DPP6: variants seen among roughly 807,000 people sequenced by gnomAD.
The protein encoded by DPP6 is dipeptidyl peptidase like 6, also known as A-type potassium channel modulatory protein DPP6.
Under a neutral mutation model 122.6 loss-of-function variants are expected in DPP6, and 69 were observed. The observed-to-expected ratio is 0.56, with a 90% CI of 0.46 to 0.69. The LOEUF is 0.69. DPP6 is among the 30% of genes least tolerant of loss of function. The pLI is 0.00. For missense variants in DPP6, 928 were observed against 1,116.9 expected, an observed-to-expected ratio of 0.83 and a Z score of 2.41; for synonymous variants, 418 against 433.1, an observed-to-expected ratio of 0.97 and a Z score of 0.43.
chr7:154,792,783 C>T (rs13239773), intron 10 of DPP6, among the ~76,000 whole-genome samples: 36,096 of 152,244 alleles, frequency 0.24, 4,700 homozygotes, highest in Admixed American at 0.31. Context: ...GAGCGCCCCT[C>T]CTGTGTTCAC....
rs1237325657 is a variant in DPP6, at chr7:154,241,921, G to T, written c.243+188858G>T. ...TACCTTCCTCTGGCATTCACAGAGG[G>T]CTGAGTTTCTAGTAGATGTTAATCA... On this transcript the variant is annotated intron_variant, in intron 1 of 25. Coordinates refer to ENST00000377770, the MANE Select transcript of DPP6 (RefSeq NM_130797.4). The surrounding 1 kb of genome is among the most constrained non-coding windows in gnomAD (Gnocchi z 9.0). Among the ~76,000 whole-genome samples, 2 of 152,240 alleles carry T rather than the reference G, an allele frequency of 1.3e-5. No individual in the cohort carries two copies. The highest frequency in any genetic ancestry group is 1.3e-4 in the Admixed American group (2 of 15,292).
the DPP6 span, among the ~76,000 whole-genome samples, chr7:153,815,866 G>A: frequency 6.6e-6 from 1 of 152,112 alleles, no homozygotes; most frequent in African/African-American, 2.4e-5. Flanking sequence ...TTTATGATGA[G>A]ATAGTTACAG....
Position 154,371,480 on chromosome 7 carries a change from A to G in DPP6, c.244-74734A>G, listed in dbSNP as rs558467853. Reference sequence around the variant, plus strand: ...AAAAATATCACCTCCTCCTACTCTCAGGATGGTACTTCTGCCCATTCTCCT... The same window carrying G: ...AAAAATATCACCTCCTCCTACTCTCGGGATGGTACTTCTGCCCATTCTCCT... On this transcript the variant is annotated intron_variant, in intron 1 of 25. Coordinates refer to ENST00000377770, the MANE Select transcript of DPP6 (RefSeq NM_130797.4). Among the ~76,000 whole-genome samples, 11 of 152,090 alleles carry G rather than the reference A, an allele frequency of 7.2e-5. No homozygotes were observed. In the East Asian group the frequency reaches 2.1e-3, roughly 29 times the overall value.
intron 1 of DPP6, among the ~76,000 whole-genome samples, chr7:154,413,383 T>G (rs2151210885): frequency 6.6e-6 from 1 of 152,326 alleles, no homozygotes; most frequent in South Asian, 2.1e-4. Flanking sequence ...TTTTTGATAG[T>G]GAGGTAATTT....
chr7:154,380,901 T>C (rs1048269139), intron 1 of DPP6, among the ~76,000 whole-genome samples: 8 of 152,150 alleles, frequency 5.3e-5, no homozygotes. Context: ...AGCTTCCTCA[T>C]GGGGTGAGTG....
chr7:154,414,605 C>T (rs1346155343), intron 1 of DPP6, among the ~76,000 whole-genome samples: 1 of 152,194 alleles, frequency 6.6e-6, no homozygotes, highest in Non-Finnish European at 1.5e-5. Flanking sequence ...CTCAGTCATT[C>T]CTCAGAGCTG....
At position 154,445,363 on chromosome 7, in the gene DPP6, TATG is replaced by T. The variant is rs1819772907; in HGVS notation, c.244-848_244-846del. Among the ~76,000 whole-genome samples, 3 of 152,346 alleles carry T rather than the reference TATG, an allele frequency of 2.0e-5. No individual in the cohort carries two copies. The South Asian group carries it at 6.2e-4, about 32-fold the overall frequency. On this transcript the variant is annotated intron_variant, in intron 1 of 25. Transcript: ENST00000377770. ...TTTATTACTTATTATCAAGCATTCA[TATG>T]ATCCTTTTTGTCTCTCAAAGAATCA... is the stretch of plus-strand genomic sequence containing the variant.
At chr7:154,289,141 C>T (rs945871599) in intron 1 of DPP6, among the ~76,000 whole-genome samples, 1 of 152,124 alleles carries the variant, frequency 6.6e-6, no homozygotes, top group Admixed American at 6.5e-5. Flanking sequence ...AAGGGGGATG[C>T]TGGTGAAGGT....
At chr7:154,652,657 G>A (rs550500879) in intron 6 of DPP6, among the ~76,000 whole-genome samples, 97 of 152,140 alleles carry the variant, frequency 6.4e-4, no homozygotes, top group African/African-American at 2.1e-3. Flanking sequence ...TCCCTGCTGC[G>A]TCCCTGCTGT....
intron 2 of DPP6, among the ~76,000 whole-genome samples, chr7:154,471,113 C>T (rs1041795341): frequency 1.2e-4 from 18 of 151,992 alleles, no homozygotes; most frequent in Admixed American, 2.6e-4. Context: ...TAGCCGGGCT[C>T]GGTGGCAGGT....
intron 7 of DPP6, among the ~76,000 whole-genome samples, chr7:154,705,511 A>G (rs1840778119): frequency 6.6e-6 from 1 of 152,200 alleles, no homozygotes; most frequent in African/African-American, 2.4e-5. Context: ...CAGGACCCAG[A>G]GGCAAGAAGC....
intron 3 of DPP6, among the ~76,000 whole-genome samples, chr7:154,487,069 C>T (rs953850843): frequency 3.9e-5 from 6 of 152,158 alleles, no homozygotes; most frequent in African/African-American, 1.4e-4. Flanking sequence ...GTTTAGACCC[C>T]GGCCAAGACT....
At chr7:154,668,859 A>G (rs1838366220) in intron 6 of DPP6, among the ~76,000 whole-genome samples, 1 of 152,140 alleles carries the variant, frequency 6.6e-6, no homozygotes, top group East Asian at 1.9e-4. Context: ...CTTTCAATTT[A>G]TCCCCTTCCT....
chr7:154,333,079 C>T (rs528649951), intron 1 of DPP6, among the ~76,000 whole-genome samples: 88 of 152,160 alleles, frequency 5.8e-4, no homozygotes, highest in Admixed American at 1.3e-3. Context: ...TCTATGCCTC[C>T]ACGTCGTGAT....
intron 1 of DPP6, among the ~76,000 whole-genome samples, chr7:154,331,439 G>A (rs1333327573): frequency 1.3e-5 from 2 of 152,158 alleles, no homozygotes; most frequent in Non-Finnish European, 2.9e-5. Context: ...AGTGTAGACA[G>A]GAAGAAAGAA....
chr7:154,731,274 A>G (rs1206656019), intron 8 of DPP6, among the ~76,000 whole-genome samples: 5 of 152,248 alleles, frequency 3.3e-5, no homozygotes, highest in African/African-American at 9.6e-5. Context: ...TGTTAGTTCT[A>G]AGAAGATAAG....
chr7:153,865,156 A>G, the DPP6 span, among the ~76,000 whole-genome samples: 2,123 of 152,336 alleles, frequency 0.014, 57 homozygotes, highest in African/African-American at 0.049. Context: ...TATCTATTAT[A>G]TTATATATAC....
chr7:154,054,478 G>GCA (rs932168388), intron 1 of DPP6, among the ~76,000 whole-genome samples: 1 of 151,932 alleles, frequency 6.6e-6, no homozygotes, highest in African/African-American at 2.4e-5. Flanking sequence ...GATGTGGTTT[G>GCA]CACACACACA....
At chr7:154,227,904 C>T (rs555313841) in intron 1 of DPP6, among the ~76,000 whole-genome samples, 158 of 152,318 alleles carry the variant, frequency 1.0e-3, no homozygotes, top group African/African-American at 3.6e-3. Flanking sequence ...TCAGAGCTCT[C>T]ATTCACTAAA....
Sources: allele counts gnomAD v4.1 joint callset (sites outside exome capture counted in the v4.1 genomes callset), GRCh38; gene constraint gnomAD v4.1.1; non-coding constraint Gnocchi (gnomAD v3.1); transcripts MANE v1.5; gene names NCBI Gene and HGNC (gene_info 2026-07-23, HGNC 2026-07-21).